KCNMA1: variants seen among roughly 807,000 people sequenced by gnomAD.
KCNMA1 encodes potassium calcium-activated channel subfamily M alpha 1.
KCNMA1 carries 29 observed loss-of-function variants against 140.0 expected under a neutral mutation model. That is an observed-to-expected ratio of 0.21 (90% CI 0.15 to 0.28). The LOEUF (loss-of-function observed/expected upper bound fraction) is 0.28, where lower values mean the gene tolerates loss of function less well. Ranked by LOEUF, KCNMA1 falls within the 10% of genes least tolerant of loss-of-function variation. The probability of loss-of-function intolerance (pLI) is 1.00; values close to 1 mark genes in which losing one functional copy is unlikely to be tolerated. For missense variants in KCNMA1, 880 were observed against 1,602.2 expected (o/e 0.55, Z 7.70); for synonymous variants, 612 against 611.9 (o/e 1.00, Z 0.00).
intron 27 of KCNMA1, 22 bp from the exon 28 acceptor site, chr10:76,887,537 G>A (rs1156413940): frequency 1.2e-6 from 2 of 1,613,998 alleles, no homozygotes. Context: ...AAGCAGAGAT[G>A]TCACCTCCTG....
chr10:77,461,753 G>T (rs531494789), intron 1 of KCNMA1, among the ~76,000 whole-genome samples: 5 of 152,172 alleles, frequency 3.3e-5, no homozygotes, highest in Non-Finnish European at 7.3e-5. Flanking sequence ...GCACGCTCCA[G>T]ATGCAATAGT....
At chr10:77,111,919 T>G (rs530559199) in intron 7 of KCNMA1, among the ~76,000 whole-genome samples, 2 of 152,244 alleles carry the variant, frequency 1.3e-5, no homozygotes, top group South Asian at 2.1e-4. Context: ...GAGGTACAAA[T>G]CAGACAAAAT....
Position 77,000,860 on chromosome 10 carries a change from ATATATATATATATATATAT to A in KCNMA1, c.2266+528_2266+546del, listed in dbSNP as rs2086093439. Among the ~76,000 whole-genome samples, 72 of 74,324 alleles carry A rather than the reference ATATATATATATATATATAT, an allele frequency of 9.7e-4. 5 individuals carry two copies. The highest frequency in any genetic ancestry group is 3.9e-3 in the African/African-American group (58 of 14,888). 48.8% of individuals were successfully genotyped at this position (74,324 alleles called of 152,430 possible). ...TAGAGAGACATAGTAAAAAGAAAATATATATATATATATATATATATATATATATATATATATATATCCA... is the reference window on the plus strand; with the variant it reads ...TAGAGAGACATAGTAAAAAGAAAATAATATATATATATATATATATATCCA... On this transcript the variant is annotated intron_variant, in intron 19 of 27. Transcript: ENST00000286628.
chr10:77,396,338 G>C (rs934851036), intron 2 of KCNMA1, among the ~76,000 whole-genome samples: 2 of 151,998 alleles, frequency 1.3e-5, no homozygotes, highest in East Asian at 1.9e-4. Context: ...GACAGAGACA[G>C]AGAGAGAGAG....
intron 1 of KCNMA1, among the ~76,000 whole-genome samples, chr10:77,629,960 C>G (rs2092992791): frequency 6.6e-6 from 1 of 152,202 alleles, no homozygotes; most frequent in Non-Finnish European, 1.5e-5. Flanking sequence ...AAGTCCCTGA[C>G]AGTGTGAGCT....
At chr10:77,255,165 G>A (rs2060461372) in intron 2 of KCNMA1, among the ~76,000 whole-genome samples, 2 of 152,178 alleles carry the variant, frequency 1.3e-5, no homozygotes, top group South Asian at 2.1e-4. Context: ...AGTACTCGGT[G>A]TGCCAGATTC....
intron 1 of KCNMA1, among the ~76,000 whole-genome samples, chr10:77,579,035 T>G (rs1236361073): frequency 6.6e-6 from 1 of 152,188 alleles, no homozygotes; most frequent in East Asian, 1.9e-4. Flanking sequence ...CTGTTTTTCC[T>G]GTCCAAACAG....
chr10:77,379,392 A>C (rs2095301599), intron 2 of KCNMA1, among the ~76,000 whole-genome samples: 1 of 152,158 alleles, frequency 6.6e-6, no homozygotes, highest in Non-Finnish European at 1.5e-5. Context: ...ACTCACTTGA[A>C]TTCCTTTTCA....
chr10:77,258,048 CT>C (rs2061180113), intron 2 of KCNMA1, among the ~76,000 whole-genome samples: 12 of 152,150 alleles, frequency 7.9e-5, no homozygotes, highest in Admixed American at 3.3e-4. Context: ...CACTCTGCCC[CT>C]ATAAGCAACA....
At chr10:77,106,269 GAGAA>G (rs771293031) in intron 9 of KCNMA1, among the ~76,000 whole-genome samples, 2 of 152,100 alleles carry the variant, frequency 1.3e-5, no homozygotes, top group Non-Finnish European at 2.9e-5. Context: ...AGAAAAAAAA[GAGAA>G]AGAGAGAGAG....
intron 1 of KCNMA1, among the ~76,000 whole-genome samples, chr10:77,492,131 G>C (rs2040170062): frequency 6.6e-6 from 1 of 152,228 alleles, no homozygotes; most frequent in East Asian, 1.9e-4. Flanking sequence ...AACCTTCAGT[G>C]CTTGCCGACA....
chr10:77,325,941 T>G (rs531451539), intron 2 of KCNMA1, among the ~76,000 whole-genome samples: 1 of 152,122 alleles, frequency 6.6e-6, no homozygotes. Flanking sequence ...ACTCACATGG[T>G]CCTTTGAGTT....
chr10:76,951,603 T>G (rs1351828839), intron 21 of KCNMA1, among the ~76,000 whole-genome samples: 1 of 152,168 alleles, frequency 6.6e-6, no homozygotes, highest in Non-Finnish European at 1.5e-5. Context: ...GTAGTTAGTT[T>G]CCCGTGCCCA....
chr10:77,467,067 G>A (rs2098037527), intron 1 of KCNMA1, among the ~76,000 whole-genome samples: 1 of 152,160 alleles, frequency 6.6e-6, no homozygotes, highest in Non-Finnish European at 1.5e-5. Flanking sequence ...TGATCTTAAG[G>A]TGACTTCTAG....
intron 1 of KCNMA1, among the ~76,000 whole-genome samples, chr10:77,494,716 C>T (rs1315633754): frequency 6.6e-6 from 1 of 152,164 alleles, no homozygotes; most frequent in African/African-American, 2.4e-5. Flanking sequence ...GGGCTGCCAT[C>T]ATAAAGTATC....
chr10:76,913,289 C>T (rs1235434920), intron 24 of KCNMA1: 1 of 152,050 alleles, frequency 6.6e-6, no homozygotes, highest in African/African-American at 2.4e-5. Context: ...AGTTATTAAC[C>T]AAGTCACGGG....
chr10:76,969,961 C>T lies in KCNMA1; in HGVS notation c.2360+13G>A, dbSNP rs776922544. 2 of 1,604,280 alleles carry T rather than the reference C, an allele frequency of 1.2e-6. No homozygotes were observed. Among genetic ancestry groups the T allele is most frequent in the Admixed American group, 1.7e-5 (1 of 59,974 alleles). On this transcript the variant is annotated intron_variant, in intron 20 of 27. Transcript: ENST00000286628. Reference sequence around the variant, plus strand: ...TAAGAGGGAAACCGTGGGCAACCAGCCCCTCTCCTTACCTCATCAGCTTAG... The same window carrying T: ...TAAGAGGGAAACCGTGGGCAACCAGTCCCTCTCCTTACCTCATCAGCTTAG...
intron 3 of KCNMA1, among the ~76,000 whole-genome samples, chr10:77,221,436 AT>A: frequency 6.6e-6 from 1 of 152,290 alleles, no homozygotes; most frequent in Non-Finnish European, 1.5e-5. Flanking sequence ...TGCAAAAAAA[AT>A]CAGAAAGAAT....
intron 20 of KCNMA1, among the ~76,000 whole-genome samples, chr10:76,956,268 C>G (rs2068252040): frequency 6.6e-6 from 1 of 152,128 alleles, no homozygotes; most frequent in Non-Finnish European, 1.5e-5. Flanking sequence ...TAATGTCAAG[C>G]TTCATTAACT....
Sources: gnomAD v4.1 joint callset for allele counts (sites outside exome capture counted in the v4.1 genomes callset) on GRCh38, gnomAD v4.1.1 for gene constraint, MANE v1.5 for transcripts, NCBI Gene and HGNC (gene_info 2026-07-23, HGNC 2026-07-21) for gene names.